The following NKAIN2 variants were observed in gnomAD, a reference collection of about 807,000 sequenced individuals.
NKAIN2 encodes the protein sodium/potassium transporting ATPase interacting 2, also known as sodium/potassium-transporting ATPase subunit beta-1-interacting protein 2.
NKAIN2 carries 14 observed loss-of-function variants against 32.6 expected under a neutral mutation model. The ratio of observed to expected loss-of-function variants is 0.43; its 90% confidence interval spans 0.28 to 0.67. The LOEUF (loss-of-function observed/expected upper bound fraction) is 0.67. NKAIN2 is among the 30% of genes least tolerant of loss of function. The pLI is 0.17. For missense variants in NKAIN2, 198 were observed against 258.3 expected, an observed-to-expected ratio of 0.77 and a Z score of 1.60; for synonymous variants, 80 against 87.2, an observed-to-expected ratio of 0.92 and a Z score of 0.46.
intron 4 of NKAIN2, among the ~76,000 whole-genome samples, chr6:124,759,655 ACC>A (rs3223322): frequency 0.078 from 4,140 of 52,936 alleles, 676 homozygotes; most frequent in South Asian, 0.15. Context: ...ACACACACAC[ACC>A]CCCTATCTCC....
intron 1 of NKAIN2, among the ~76,000 whole-genome samples, chr6:123,933,867 T>C (rs1776383104): frequency 1.3e-5 from 2 of 152,206 alleles, no homozygotes; most frequent in South Asian, 2.1e-4. Flanking sequence ...TACATGTGAA[T>C]GGAGTAAGAA....
At chr6:124,245,825 G>A (rs746806580) in intron 1 of NKAIN2, among the ~76,000 whole-genome samples, 53 of 152,030 alleles carry the variant, frequency 3.5e-4, no homozygotes, top group Non-Finnish European at 6.0e-4. Context: ...TCTGTGAAAG[G>A]GGCATATTAA....
At chr6:123,813,008 C>T (rs1333720286) in intron 1 of NKAIN2, among the ~76,000 whole-genome samples, 2 of 152,232 alleles carry the variant, frequency 1.3e-5, no homozygotes, top group South Asian at 2.1e-4. Context: ...GTCTATGTTA[C>T]ATGTGAACTG....
intron 1 of NKAIN2, among the ~76,000 whole-genome samples, chr6:123,829,947 T>C (rs561441952): frequency 1.5e-4 from 23 of 152,220 alleles, no homozygotes; most frequent in Non-Finnish European, 1.6e-4. Context: ...GTTGACATCC[T>C]CTTACCCTTA....
intron 1 of NKAIN2, among the ~76,000 whole-genome samples, chr6:123,886,229 C>A (rs1049331894): frequency 6.6e-6 from 1 of 151,912 alleles, no homozygotes; most frequent in African/African-American, 2.4e-5. Context: ...AGCTTTCATA[C>A]TTTTTGATAA....
chr6:123,848,078 A>T (rs933303448), intron 1 of NKAIN2, among the ~76,000 whole-genome samples: 2 of 152,236 alleles, frequency 1.3e-5, no homozygotes, highest in African/African-American at 4.8e-5. Flanking sequence ...GGACACTGTT[A>T]AGTGAGGAAA....
intron 1 of NKAIN2, among the ~76,000 whole-genome samples, chr6:123,949,805 G>C (rs1259936731): frequency 6.6e-6 from 1 of 151,854 alleles, no homozygotes; most frequent in Non-Finnish European, 1.5e-5. Flanking sequence ...TCTCTTGCTT[G>C]ATTGCTCCAG....
intron 1 of NKAIN2, among the ~76,000 whole-genome samples, chr6:124,206,444 G>A (rs2114643660): frequency 6.6e-6 from 1 of 151,890 alleles, no homozygotes; most frequent in East Asian, 1.9e-4. Flanking sequence ...TCTCAAGAAT[G>A]TCAAATTTAA....
chr6:124,772,775 G>A (rs915141279), intron 4 of NKAIN2, among the ~76,000 whole-genome samples: 2 of 152,116 alleles, frequency 1.3e-5, no homozygotes, highest in African/African-American at 4.8e-5. Flanking sequence ...ATTACTTAAA[G>A]TTCTGTTAAC....
chr6:123,858,242 A>G (rs1171207898), intron 1 of NKAIN2, among the ~76,000 whole-genome samples: 4 of 151,772 alleles, frequency 2.6e-5, no homozygotes. Context: ...CAGCCTCCCA[A>G]GTAGTTGGGA....
intron 1 of NKAIN2, among the ~76,000 whole-genome samples, chr6:124,171,547 ATT>A (rs10665262): frequency 1.1e-3 from 102 of 96,458 alleles, no homozygotes; most frequent in African/African-American, 3.7e-3. Context: ...GGCCGATTTG[ATT>A]TTTTTTTTTT....
chr6:123,839,767 G>C (rs773861304), intron 1 of NKAIN2, among the ~76,000 whole-genome samples: 13 of 152,042 alleles, frequency 8.6e-5, no homozygotes, highest in Non-Finnish European at 1.8e-4. Context: ...TATTTATCTA[G>C]GGATTATTAA....
intron 1 of NKAIN2, among the ~76,000 whole-genome samples, chr6:124,183,632 A>G (rs889566860): frequency 6.6e-6 from 1 of 152,142 alleles, no homozygotes; most frequent in African/African-American, 2.4e-5. Flanking sequence ...TTCTTCAACA[A>G]CTATTACTGA....
intron 2 of NKAIN2, among the ~76,000 whole-genome samples, chr6:124,321,942 G>A (rs1797212504): frequency 6.6e-6 from 1 of 152,088 alleles, no homozygotes; most frequent in Non-Finnish European, 1.5e-5. Context: ...AATACCATAA[G>A]TACATTTTCC....
intron 3 of NKAIN2, among the ~76,000 whole-genome samples, chr6:124,360,105 G>T (rs1799210461): frequency 6.6e-6 from 1 of 152,170 alleles, no homozygotes; most frequent in African/African-American, 2.4e-5. Context: ...AACCAGCCTT[G>T]CATCCCAGGG....
At chr6:124,707,558 T>C (rs1307163280) in intron 4 of NKAIN2, among the ~76,000 whole-genome samples, 1 of 130,044 alleles carries the variant, frequency 7.7e-6, no homozygotes, top group Non-Finnish European at 1.6e-5. Flanking sequence ...TGCTATCTCA[T>C]TGTGGTTTTG....
intron 3 of NKAIN2, among the ~76,000 whole-genome samples, chr6:124,405,901 T>C (rs549051452): frequency 2.0e-5 from 3 of 152,142 alleles, no homozygotes; most frequent in Non-Finnish European, 2.9e-5. Flanking sequence ...AAATAAATAA[T>C]AGCTGTCTAA....
intron 5 of NKAIN2, among the ~76,000 whole-genome samples, chr6:124,792,241 A>G (rs1481914443): frequency 6.6e-6 from 1 of 152,160 alleles, no homozygotes; most frequent in Non-Finnish European, 1.5e-5. Context: ...TTGAAACAGT[A>G]AGGAAAGAGG....
At chr6:123,810,285 T>C (rs1223333468) in intron 1 of NKAIN2, among the ~76,000 whole-genome samples, 2 of 152,156 alleles carry the variant, frequency 1.3e-5, no homozygotes, top group Non-Finnish European at 2.9e-5. Context: ...ATCCCTTCCA[T>C]GTAAAATAAA....
Sources: allele counts gnomAD v4.1 joint callset (sites outside exome capture counted in the v4.1 genomes callset), GRCh38; gene constraint gnomAD v4.1.1; transcripts MANE v1.5; gene names NCBI Gene and HGNC (gene_info 2026-07-23, HGNC 2026-07-21).